Variants in MGRN1 observed in about 807,000 individuals in gnomAD.
MGRN1 encodes E3 ubiquitin-protein ligase MGRN1.
A neutral mutation model predicts 69.2 loss-of-function variants in MGRN1; 29 were observed. That is an observed-to-expected ratio of 0.42 (90% CI 0.31 to 0.57). The LOEUF (loss-of-function observed/expected upper bound fraction) is 0.57. Among genes scored for constraint, MGRN1 ranks in the 20% least tolerant of loss-of-function variants. The pLI, the probability that MGRN1 is intolerant of heterozygous loss-of-function variation, is 0.15. For synonymous variants in MGRN1, 470 were observed against 344.2 expected (o/e 1.37, Z -4.04); for missense variants, 998 against 796.2 (o/e 1.25, Z -3.05).
intron 16 of MGRN1, chr16:4,686,815 C>T: frequency 1.0e-6 from 1 of 987,562 alleles, no homozygotes; most frequent in Non-Finnish European, 1.2e-6. Flanking sequence ...TCAGCAGGTC[C>T]ACTCCCGTGT....
intron 1 of MGRN1, among the ~76,000 whole-genome samples, chr16:4,641,861 C>G (rs545986481): frequency 9.2e-5 from 14 of 152,154 alleles, no homozygotes; most frequent in Non-Finnish European, 1.6e-4. Flanking sequence ...GCCATGTCGC[C>G]CAGGCTGGTC....
At chr16:4,648,176 G>A (rs2078313959) in intron 1 of MGRN1, among the ~76,000 whole-genome samples, 1 of 152,318 alleles carries the variant, frequency 6.6e-6, no homozygotes, top group East Asian at 1.9e-4. Context: ...TGAGGACCAT[G>A]TATTCTGAGC....
intron 1 of MGRN1, among the ~76,000 whole-genome samples, chr16:4,648,001 G>A (rs557233191): frequency 5.9e-5 from 9 of 152,196 alleles, no homozygotes; most frequent in East Asian, 5.8e-4. Context: ...CGTGGTTCTC[G>A]GGAAGGACAC....
intron 4 of MGRN1, among the ~76,000 whole-genome samples, chr16:4,656,148 TG>T (rs1395919403): frequency 6.6e-6 from 1 of 152,206 alleles, no homozygotes; most frequent in African/African-American, 2.4e-5. Context: ...GATTGTGAAT[TG>T]GGTTCCTGCA....
At chr16:4,668,061 A>T (rs2078844931) in intron 7 of MGRN1, among the ~76,000 whole-genome samples, 2 of 151,142 alleles carry the variant, frequency 1.3e-5, no homozygotes, top group South Asian at 4.2e-4. Flanking sequence ...AGATAGTTGC[A>T]CAGCCAGGCC....
chr16:4,673,125 A>G lies in MGRN1; in HGVS notation c.796-373A>G, dbSNP rs1046534845. Reference sequence around the variant, plus strand: ...AGTGCTGGGATTACAGGCGTGAGCCACCGCGCCTGACCATTAACTTGGTTT... The same window carrying G: ...AGTGCTGGGATTACAGGCGTGAGCCGCCGCGCCTGACCATTAACTTGGTTT... On this transcript the variant is annotated intron_variant, in intron 9 of 16. Coordinates refer to ENST00000262370, the MANE Select transcript of MGRN1 (RefSeq NM_015246.4). 3.9e-5 allele frequency among the ~76,000 whole-genome samples: 6 copies of G among 152,226 alleles called. No individual in the cohort carries two copies. In the South Asian group the frequency reaches 1.2e-3, roughly 32 times the overall value.
intron 1 of MGRN1, among the ~76,000 whole-genome samples, chr16:4,640,972 G>C (rs1453926739): frequency 6.6e-6 from 1 of 152,210 alleles, no homozygotes; most frequent in South Asian, 2.1e-4. Context: ...CTTGGGGCCA[G>C]CGGGAAAGGG....
At chr16:4,657,429 C>A (rs2141899051) in intron 5 of MGRN1, 66 bp downstream of exon 5, 2 of 1,463,672 alleles carry the variant, frequency 1.4e-6, no homozygotes, top group South Asian at 2.3e-5. Context: ...GGGGGTGGGG[C>A]CAGCACAGTG....
chr16:4,677,018 ACTG>A (rs2079067336), intron 10 of MGRN1: 1 of 155,310 alleles, frequency 6.4e-6, no homozygotes, highest in Non-Finnish European at 1.4e-5. Context: ...CTCAGCCAGG[ACTG>A]CTGATTTGCA....
At chr16:4,677,254 T>A in intron 10 of MGRN1, 1 of 449,254 alleles carries the variant, frequency 2.2e-6, no homozygotes, top group Non-Finnish European at 4.0e-6. Flanking sequence ...ACAGGGGAGC[T>A]GCTTCTTTCT....
At chr16:4,673,471 C>T (rs879151382) in intron 9 of MGRN1, 27 bp from the exon 10 acceptor site, 3 of 1,605,954 alleles carry the variant, frequency 1.9e-6, no homozygotes, top group Non-Finnish European at 2.5e-6. Context: ...TGGGAGGCTG[C>T]TGACCCACAA....
intron 1 of MGRN1, among the ~76,000 whole-genome samples, chr16:4,632,809 G>A (rs796687296): frequency 3.3e-5 from 5 of 152,264 alleles, no homozygotes; most frequent in African/African-American, 9.6e-5. Context: ...ACGGCCAGGC[G>A]TGGTGGCTCA....
intron 4 of MGRN1, among the ~76,000 whole-genome samples, chr16:4,656,037 G>T (rs753078077): frequency 6.6e-6 from 1 of 152,180 alleles, no homozygotes; most frequent in African/African-American, 2.4e-5. Context: ...GCCCCCCCAC[G>T]CCCCATCCCA....
chr16:4,668,385 A>C, intron 8 of MGRN1, 73 bp downstream of exon 8: 5 of 1,498,058 alleles, frequency 3.3e-6, no homozygotes, highest in Non-Finnish European at 4.6e-6. Flanking sequence ...ACGCATACTC[A>C]TACATAGACA....
intron 1 of MGRN1, among the ~76,000 whole-genome samples, chr16:4,645,635 G>A (rs1286642248): frequency 2.6e-5 from 4 of 152,206 alleles, no homozygotes; most frequent in Non-Finnish European, 5.9e-5. Flanking sequence ...TGTAAAAGGG[G>A]TGTCAGAAGA....
At chr16:4,641,599 A>C (rs1234068988) in intron 1 of MGRN1, among the ~76,000 whole-genome samples, 1 of 148,894 alleles carries the variant, frequency 6.7e-6, no homozygotes, top group Admixed American at 6.7e-5. Context: ...GCTGACCGCA[A>C]CCTCTGCCTC....
chr16:4,629,147 C>CATGTGTGTGTGT (rs1555445254), intron 1 of MGRN1, among the ~76,000 whole-genome samples: 1 of 48,652 alleles, frequency 2.1e-5, no homozygotes, highest in Non-Finnish European at 4.4e-5. Context: ...GCTTTCTGTT[C>CATGTGTGTGTGT]GTATGTGTGT....
intron 3 of MGRN1, among the ~76,000 whole-genome samples, chr16:4,652,253 T>C (rs555892108): frequency 6.6e-6 from 1 of 152,128 alleles, no homozygotes. Flanking sequence ...GCTTCTCAGC[T>C]GTGCCGCACA....
chr16:4,650,539 C>T (rs903089040), intron 2 of MGRN1, 56 bp downstream of exon 2: 5 of 1,354,236 alleles, frequency 3.7e-6, no homozygotes, highest in African/African-American at 1.5e-5. Context: ...CCCCTGTCCC[C>T]AGCAGTCCGC....
Sources: allele counts gnomAD v4.1 joint callset (sites outside exome capture counted in the v4.1 genomes callset), GRCh38; gene constraint gnomAD v4.1.1; transcripts MANE v1.5; gene names NCBI Gene and HGNC (gene_info 2026-07-23, HGNC 2026-07-21).